IDH3A: variants seen among roughly 807,000 people sequenced by gnomAD.
The protein encoded by IDH3A is isocitrate dehydrogenase [NAD] subunit alpha, mitochondrial.
Under a neutral mutation model 43.3 loss-of-function variants are expected in IDH3A, and 23 were observed. That is an observed-to-expected ratio of 0.53 (90% CI 0.38 to 0.75). The LOEUF (loss-of-function observed/expected upper bound fraction) is 0.75, where lower values mean the gene tolerates loss of function less well. Ranked by LOEUF, IDH3A falls within the 30% of genes least tolerant of loss-of-function variation. The pLI, the probability that IDH3A is intolerant of heterozygous loss-of-function variation, is 0.00. For synonymous variants in IDH3A, 154 were observed against 163.5 expected, an observed-to-expected ratio of 0.94 and a Z score of 0.44; for missense variants, 329 against 474.4, an observed-to-expected ratio of 0.69 and a Z score of 2.85.
chr15:78,154,104 A>G (rs2074603513), intron 1 of IDH3A, among the ~76,000 whole-genome samples: 1 of 151,804 alleles, frequency 6.6e-6, no homozygotes, highest in South Asian at 2.1e-4. Context: ...ATGACTTTGT[A>G]CCAGTTCTCA....
chr15:78,156,704 A>G (rs1241777158), intron 2 of IDH3A, among the ~76,000 whole-genome samples: 1 of 152,216 alleles, frequency 6.6e-6, no homozygotes, highest in Non-Finnish European at 1.5e-5. Flanking sequence ...CCAAGATAAT[A>G]AAATATGTGG....
intron 9 of IDH3A, 191 bp from the exon 10 acceptor site, chr15:78,165,959 G>A (rs1004493116): frequency 2.0e-5 from 11 of 554,776 alleles, no homozygotes; most frequent in Non-Finnish European, 3.5e-5. Flanking sequence ...AACGTGTTGC[G>A]ATTACAGGTG....
rs750158464 is a variant in IDH3A, at chr15:78,155,209, A to G, written c.28-4A>G. 8.3e-5 allele frequency: 134 copies of G among 1,607,090 alleles called. No homozygotes were observed. Among genetic ancestry groups the G allele is most frequent in the Non-Finnish European group, 1.3e-5 (15 of 1,173,878 alleles). On this transcript the variant is annotated splice_polypyrimidine_tract_variant and splice_region_variant and intron_variant, in intron 1 of 10. Coordinates refer to ENST00000299518, the MANE Select transcript of IDH3A (RefSeq NM_005530.3). Reference sequence around the variant, plus strand: ...GTGATATTTCTCTGTTGATATTAATATAGGTCTCTCGGCTGCTGGGGGCAT... The same window carrying G: ...GTGATATTTCTCTGTTGATATTAATGTAGGTCTCTCGGCTGCTGGGGGCAT...
In IDH3A at chr15:78,171,660, C is replaced by A. The variant is rs2074824503; in HGVS notation, c.*2655C>A. The A allele has an allele frequency of 2.8e-6, 2 of 704,812 alleles. No individual in the cohort carries two copies. The highest frequency in any genetic ancestry group is 4.9e-6 in the Non-Finnish European group (2 of 411,168). 43.7% of individuals were successfully genotyped at this position (704,812 alleles called of 1,614,324 possible). ...GCCAGATAATCAGGACCGTCAGTAG[C>A]CAGCCTCCAAGACAGTGATCGCTCC... is the stretch of plus-strand genomic sequence containing the variant. On this transcript the variant is annotated 3_prime_UTR_variant, in exon 11 of 11. Coordinates refer to ENST00000299518, the MANE Select transcript of IDH3A (RefSeq NM_005530.3).
chr15:78,171,399 A>C lies in IDH3A; in HGVS notation c.*2394A>C, dbSNP rs765675038. On this transcript the variant is annotated 3_prime_UTR_variant, in exon 11 of 11. Coordinates refer to ENST00000299518, the MANE Select transcript of IDH3A (RefSeq NM_005530.3). ...ACCTGGGGCTCAGGAAGAGGCTCGG[A>C]ACGCCTGCCCTCTATTCTATAGAAA... The C allele has an allele frequency of 6.5e-7, 1 of 1,536,922 alleles. No homozygotes were observed. Among genetic ancestry groups the C allele is most frequent in the Non-Finnish European group, 9.0e-7 (1 of 1,113,356 alleles).
In IDH3A at chr15:78,160,087, T is replaced by G. The variant is rs757549057; in HGVS notation, c.175-5T>G. The G allele has an allele frequency of 6.4e-7, 1 of 1,562,178 alleles. No individual in the cohort carries two copies. The highest frequency in any genetic ancestry group is 1.1e-5 in the South Asian group (1 of 90,014). The stretch of plus-strand genomic sequence containing the variant: ...GCTCACTGTGCTCTGTGATGTGGCA[T>G]CTAGGCACCTATTCAGTGGGAGGAG... On this transcript the variant is annotated splice_region_variant and splice_polypyrimidine_tract_variant and intron_variant, in intron 3 of 10. Coordinates refer to ENST00000299518, the MANE Select transcript of IDH3A (RefSeq NM_005530.3).
chr15:78,162,852 C>T (rs901791502), intron 6 of IDH3A, among the ~76,000 whole-genome samples: 1 of 152,116 alleles, frequency 6.6e-6, no homozygotes, highest in Non-Finnish European at 1.5e-5. Context: ...GGCCTGGAGT[C>T]TCCTGTTTAC....
chr15:78,150,164 G>A (rs1479700779), intron 1 of IDH3A, among the ~76,000 whole-genome samples: 1 of 152,192 alleles, frequency 6.6e-6, no homozygotes, highest in African/African-American at 2.4e-5. Context: ...AGCTCTCCTT[G>A]ACAGCTCAGA....
At chr15:78,157,174 T>C (rs1216217371) in intron 2 of IDH3A, 2 of 1,111,366 alleles carry the variant, frequency 1.8e-6, no homozygotes, top group African/African-American at 1.6e-5. Context: ...TGAGAGAACA[T>C]TGTTAATTTT....
chr15:78,152,193 G>C (rs1263718200), intron 1 of IDH3A, among the ~76,000 whole-genome samples: 1 of 150,748 alleles, frequency 6.6e-6, no homozygotes, highest in Non-Finnish European at 1.5e-5. Flanking sequence ...CAAGTAGCTG[G>C]GATTACAGGC....
rs775136834 is a variant in IDH3A, at chr15:78,163,576, T to C, written c.681T>C (p.Phe227=). 1 of 1,611,538 alleles carries C rather than the reference T, an allele frequency of 6.2e-7. No homozygotes were observed. The highest frequency in any genetic ancestry group is 2.2e-5 in the East Asian group (1 of 44,836). Residue 227 remains phenylalanine, a synonymous_variant, in exon 7 of 11, where the codon TTT becomes TTC. Transcript: ENST00000299518. ...EVAESCKDIK[F]NEMYLDTVCL... ...CAGAAAGCTGTAAAGATATTAAATTTAATGAGATGTACCTTGATACAGTAT... is the reference window on the plus strand; with the variant it reads ...CAGAAAGCTGTAAAGATATTAAATTCAATGAGATGTACCTTGATACAGTAT...
Position 78,166,322 on chromosome 15 carries a change from A to G in IDH3A, c.1017+20A>G, listed in dbSNP as rs1366893589. On this transcript the variant is annotated intron_variant, in intron 10 of 10. Transcript: ENST00000299518. ...GGAAAGGTAACAGGAATCTTGATTT[A>G]CTTGTGCTGGGTAAAATGCATTGCT... The G allele has an allele frequency of 6.2e-7, 1 of 1,612,466 alleles. No homozygotes were observed. Among genetic ancestry groups the G allele is most frequent in the East Asian group, 2.2e-5 (1 of 44,852 alleles).
rs1257538190 is a variant in IDH3A at position 78,162,271 on chromosome 15, C to T, written c.515C>T (p.Thr172Ile). The T allele has an allele frequency of 6.2e-7, 1 of 1,614,098 alleles. No homozygotes were observed. Among genetic ancestry groups the T allele is most frequent in the Non-Finnish European group, 8.5e-7 (1 of 1,180,044 alleles). Reference sequence around the variant, plus strand: ...GTCGTGCAGAGTATCAAGCTCATCACCGAGGGGGCGAGCAAGCGCATTGCT... The same window carrying T: ...GTCGTGCAGAGTATCAAGCTCATCATCGAGGGGGCGAGCAAGCGCATTGCT... ...DGVVQSIKLI[T>I]EGASKRIAEF... Residue 172 changes from threonine to isoleucine, a missense_variant, in exon 6 of 11, where the codon ACC becomes ATC. By Grantham distance (89) the Thr-to-Ile change is moderately conservative. Transcript: ENST00000299518.
intron 1 of IDH3A, among the ~76,000 whole-genome samples, chr15:78,150,206 A>C (rs2074562399): frequency 6.6e-6 from 1 of 152,152 alleles, no homozygotes; most frequent in Non-Finnish European, 1.5e-5. Context: ...CAGATCATCT[A>C]TGCAGTTCCG....
At chr15:78,151,271 G>C (rs2074571774) in intron 1 of IDH3A, 1 of 152,234 alleles carries the variant, frequency 6.6e-6, no homozygotes, top group Non-Finnish European at 1.5e-5. Context: ...CAGTTCCTCT[G>C]TTGAGTTTCC....
At chr15:78,153,744 T>G (rs892760539) in intron 1 of IDH3A, among the ~76,000 whole-genome samples, 30 of 152,270 alleles carry the variant, frequency 2.0e-4, no homozygotes, top group Admixed American at 3.9e-4. Context: ...TGCAGCCGGG[T>G]GTGGTGGCTC....
rs2074682090 is a variant in IDH3A, at chr15:78,161,630, G to A, written c.339G>A (p.Leu113=). 4 of 1,614,014 alleles carry A rather than the reference G, an allele frequency of 2.5e-6. No homozygotes were observed. The African/African-American group carries it at 5.3e-5, about 22-fold the overall frequency. ...CCGGTCACCCATCTATGAATTTACT[G>A]CTGCGCAAAACATTTGACCTTTACG... ...IAAGHPSMNL[L]LRKTFDLYAN... Residue 113 remains leucine (L), a synonymous_variant, in exon 5 of 11, where the codon CTG becomes CTA. Transcript: ENST00000299518. This position sits in a 1 kb window ranked among gnomAD's most constrained non-coding sequence, Gnocchi z 4.8.
Position 78,169,129 on chromosome 15 carries a change from C to A in IDH3A, c.*124C>A. The A allele has an allele frequency of 1.8e-6, 1 of 548,518 alleles. No individual in the cohort carries two copies. The highest frequency in any genetic ancestry group is 3.3e-5 in the South Asian group (1 of 29,906). The allele number at this position is 548,518 out of a possible 1,614,324, so 34.0% of individuals were successfully genotyped here. A position where few individuals can be genotyped will look rare whatever the true frequency, so the allele number is the denominator to read the frequency against. On this transcript the variant is annotated 3_prime_UTR_variant, in exon 11 of 11. Transcript: ENST00000299518. ...CTTGACAGTACATTTTTAGATCTGGCCTTTTCTTAACAAAATCTGTGCAAA... is the reference window on the plus strand; with the variant it reads ...CTTGACAGTACATTTTTAGATCTGGACTTTTCTTAACAAAATCTGTGCAAA...
At chr15:78,150,238 C>T (rs991997654) in intron 1 of IDH3A, among the ~76,000 whole-genome samples, 1 of 152,172 alleles carries the variant, frequency 6.6e-6, no homozygotes, top group South Asian at 2.1e-4. Context: ...TGGAACTAAC[C>T]TGTGCCTGAA....
Sources: allele counts gnomAD v4.1 joint callset (sites outside exome capture counted in the v4.1 genomes callset), GRCh38; gene constraint gnomAD v4.1.1; non-coding constraint Gnocchi (gnomAD v3.1); transcripts MANE v1.5; gene names NCBI Gene and HGNC (gene_info 2026-07-23, HGNC 2026-07-21).